The following CFAP61 variants were observed in gnomAD, a reference collection of about 807,000 sequenced individuals.
CFAP61 encodes cilia- and flagella-associated protein 61.
Under a neutral mutation model 135.6 loss-of-function variants are expected in CFAP61, and 107 were observed. The ratio of observed to expected loss-of-function variants is 0.79; its 90% confidence interval spans 0.67 to 0.93. The LOEUF is 0.93. Among genes scored for constraint, CFAP61 ranks in the 40% least tolerant of loss-of-function variants. The probability of loss-of-function intolerance (pLI) is 0.00; values close to 1 mark genes in which losing one functional copy is unlikely to be tolerated. For synonymous variants in CFAP61, 575 were observed against 578.5 expected, an observed-to-expected ratio of 0.99 and a Z score of 0.09; for missense variants, 1,507 against 1,556.2, an observed-to-expected ratio of 0.97 and a Z score of 0.53.
chr20:20,118,257 CTTTCTTTCTTT>C (rs1568941012), intron 8 of CFAP61, among the ~76,000 whole-genome samples: 15 of 46,058 alleles, frequency 3.3e-4, no homozygotes, highest in East Asian at 1.5e-3. Context: ...AGGTATGTTT[CTTTCTTTCTTT>C]CTTTCTTTCT....
chr20:20,338,969 C>G (rs2058337921), intron 25 of CFAP61, among the ~76,000 whole-genome samples: 2 of 152,196 alleles, frequency 1.3e-5, no homozygotes, highest in South Asian at 4.1e-4. Flanking sequence ...TTAAGTCCTC[C>G]CAGATAAACC....
intron 21 of CFAP61, among the ~76,000 whole-genome samples, chr20:20,268,308 G>A (rs747394849): frequency 2.0e-5 from 3 of 152,220 alleles, no homozygotes; most frequent in Non-Finnish European, 4.4e-5. Flanking sequence ...CAGTGCTGAT[G>A]TTACTGAAGC....
At chr20:20,337,030 T>A (rs2058220775) in intron 25 of CFAP61, among the ~76,000 whole-genome samples, 1 of 152,236 alleles carries the variant, frequency 6.6e-6, no homozygotes, top group Non-Finnish European at 1.5e-5. Context: ...CTAGGTCTTC[T>A]CCTTCCTTGC....
intron 25 of CFAP61, among the ~76,000 whole-genome samples, chr20:20,299,167 T>C (rs561268182): frequency 6.6e-6 from 1 of 152,362 alleles, no homozygotes; most frequent in East Asian, 1.9e-4. Context: ...TTTTAAATTG[T>C]AGAATGCATC....
chr20:20,074,019 G>T (rs552112413), intron 3 of CFAP61: 2 of 423,426 alleles, frequency 4.7e-6, no homozygotes, highest in Admixed American at 7.5e-5. Flanking sequence ...AGGCTCTCCC[G>T]CAGCTCATTC....
chr20:20,189,857 C>T (rs761120288), intron 14 of CFAP61, among the ~76,000 whole-genome samples: 3 of 152,120 alleles, frequency 2.0e-5, no homozygotes, highest in Non-Finnish European at 4.4e-5. Context: ...TGCGATGGCG[C>T]GACCTTGGCT....
At chr20:20,208,828 C>T (rs2047423583) in intron 17 of CFAP61, among the ~76,000 whole-genome samples, 1 of 152,222 alleles carries the variant, frequency 6.6e-6, no homozygotes, top group Non-Finnish European at 1.5e-5. Context: ...TCACCCAGCA[C>T]ATCCATCCAC....
chr20:20,296,621 T>C (rs944931170), intron 24 of CFAP61, among the ~76,000 whole-genome samples: 4 of 152,114 alleles, frequency 2.6e-5, no homozygotes, highest in Non-Finnish European at 5.9e-5. Context: ...GAAGTAATGA[T>C]CATTTTTTAA....
intron 2 of CFAP61, among the ~76,000 whole-genome samples, chr20:20,068,463 A>T (rs2045469227): frequency 6.6e-6 from 1 of 152,168 alleles, no homozygotes; most frequent in African/African-American, 2.4e-5. Context: ...GTATTCTAGG[A>T]ACCTGGGACA....
chr20:20,357,908 T>G (rs1602193944), intron 26 of CFAP61, among the ~76,000 whole-genome samples: 1 of 113,876 alleles, frequency 8.8e-6, no homozygotes. Context: ...GGGGAGGTGG[T>G]CACACTGAGG....
chr20:20,265,788 A>C, intron 21 of CFAP61: 1 of 277,752 alleles, frequency 3.6e-6, no homozygotes, highest in Non-Finnish European at 6.7e-6. Context: ...GTAAATTCTC[A>C]AGTAAAAAAA....
chr20:20,150,681 GGTGCT>G (rs2052333052), intron 9 of CFAP61, among the ~76,000 whole-genome samples: 1 of 152,206 alleles, frequency 6.6e-6, no homozygotes, highest in Admixed American at 6.5e-5. Context: ...CACCAGAGCA[GGTGCT>G]GGTATTCATG....
chr20:20,091,704 G>T (rs1032701240), intron 7 of CFAP61, among the ~76,000 whole-genome samples: 1 of 152,036 alleles, frequency 6.6e-6, no homozygotes, highest in South Asian at 2.1e-4. Flanking sequence ...TTGAGATGGA[G>T]CCTTGCTCTG....
chr20:20,299,885 A>G (rs1367842465), intron 25 of CFAP61, among the ~76,000 whole-genome samples: 1 of 152,206 alleles, frequency 6.6e-6, no homozygotes, highest in Admixed American at 6.5e-5. Context: ...TCTCTCTAAG[A>G]TATCCTAGCC....
intron 8 of CFAP61, among the ~76,000 whole-genome samples, chr20:20,118,545 T>C (rs1307353078): frequency 3.3e-5 from 5 of 152,094 alleles, no homozygotes; most frequent in Non-Finnish European, 5.9e-5. Flanking sequence ...TTCACCATGT[T>C]GGCCAGGTTG....
At chr20:20,257,110 T>C (rs915663660) in intron 20 of CFAP61, among the ~76,000 whole-genome samples, 22 of 152,198 alleles carry the variant, frequency 1.4e-4, no homozygotes, top group Non-Finnish European at 2.5e-4. Context: ...ATATCAAAAT[T>C]TTTATCTCCA....
intron 25 of CFAP61, among the ~76,000 whole-genome samples, chr20:20,331,423 C>T (rs1011460948): frequency 8.2e-5 from 7 of 84,938 alleles, no homozygotes; most frequent in African/African-American, 3.1e-4. Flanking sequence ...TCTGTAAAAG[C>T]TTTAGAAAAA....
At chr20:20,199,665 C>A in intron 16 of CFAP61, 103 bp from the exon 17 acceptor site, 2 of 1,302,174 alleles carry the variant, frequency 1.5e-6, no homozygotes, top group South Asian at 1.5e-5. Context: ...TCCTCTCTGA[C>A]TTGGCCGAGT....
rs73285340 is a variant in CFAP61 at position 20,292,820 on chromosome 20, C to T, written c.3216+2429C>T. Reference sequence around the variant, plus strand: ...GTTGTTACTAGCAAGCTGGAAGCTGCGTTGCCTTTTATGACCCACCCTCAA... The same window carrying T: ...GTTGTTACTAGCAAGCTGGAAGCTGTGTTGCCTTTTATGACCCACCCTCAA... On this transcript the variant is annotated intron_variant, in intron 24 of 26. Coordinates refer to ENST00000245957, the MANE Select transcript of CFAP61 (RefSeq NM_015585.4). Among the ~76,000 whole-genome samples, 636 of 152,178 alleles carry T rather than the reference C, an allele frequency of 4.2e-3. 3 individuals carry two copies. The highest frequency in any genetic ancestry group is 0.014 in the African/African-American group (593 of 41,524).
Sources: gnomAD v4.1 joint callset for allele counts (sites outside exome capture counted in the v4.1 genomes callset) on GRCh38, gnomAD v4.1.1 for gene constraint, MANE v1.5 for transcripts, NCBI Gene and HGNC (gene_info 2026-07-23, HGNC 2026-07-21) for gene names.